SC5D: variants seen among roughly 807,000 people sequenced by gnomAD.
The protein encoded by SC5D is lathosterol oxidase.
Under a neutral mutation model 23.9 loss-of-function variants are expected in SC5D, and 21 were observed. The ratio of observed to expected loss-of-function variants is 0.88; its 90% confidence interval spans 0.62 to 1.26. SC5D has a LOEUF of 1.26. Ranked by LOEUF, SC5D falls within the 50% of genes most tolerant of loss-of-function variation. The pLI is 0.00. For missense variants in SC5D, 309 were observed against 364.8 expected (o/e 0.85, Z 1.25); for synonymous variants, 113 against 125.9 (o/e 0.90, Z 0.68).
rs188067713 is a variant in SC5D at position 121,293,911 on chromosome 11, G to A, written c.-11+1095G>A. Among the ~76,000 whole-genome samples the A allele has an allele frequency of 9.7e-4, 147 of 152,256 alleles. 1 individual carries two copies. The highest frequency in any genetic ancestry group is 6.8e-3 in the Middle Eastern group (2 of 292). On this transcript the variant is annotated intron_variant, in intron 1 of 4. Transcript: ENST00000264027. ...ATGTACATCCCAGCTGGTTTTTTCTGTTATTGTTGCTTGCTACTGAACAAG... is the reference window on the plus strand; with the variant it reads ...ATGTACATCCCAGCTGGTTTTTTCTATTATTGTTGCTTGCTACTGAACAAG...
At chr11:121,303,039 T>C (rs1169265633) in intron 1 of SC5D, among the ~76,000 whole-genome samples, 2 of 152,238 alleles carry the variant, frequency 1.3e-5, no homozygotes, top group African/African-American at 4.8e-5. Flanking sequence ...CCACTTGCCA[T>C]GCTGCCATAG....
intron 1 of SC5D, among the ~76,000 whole-genome samples, chr11:121,295,085 G>A (rs763447172): frequency 6.6e-6 from 1 of 152,130 alleles, no homozygotes; most frequent in African/African-American, 2.4e-5. Context: ...ATGAGCCACA[G>A]ATAATTAGGT....
At position 121,308,743 on chromosome 11, in the gene SC5D, C is replaced by T. The variant is rs953949773; in HGVS notation, c.*1231C>T. 2.0e-5 allele frequency: 3 copies of T among 152,588 alleles called. No homozygotes were observed. Among genetic ancestry groups the T allele is most frequent in the Non-Finnish European group, 2.9e-5 (2 of 68,018 alleles). 9.5% of individuals were successfully genotyped at this position (152,588 alleles called of 1,614,324 possible). A position where few individuals can be genotyped will look rare whatever the true frequency, so the allele number is the denominator to read the frequency against. ...TGTTAATTGTGTTTTAGAACATCCCCGGACACTCAGTGTCACAGGGGGAAA... is the reference window on the plus strand; with the variant it reads ...TGTTAATTGTGTTTTAGAACATCCCTGGACACTCAGTGTCACAGGGGGAAA... On this transcript the variant is annotated 3_prime_UTR_variant, in exon 5 of 5. Transcript: ENST00000264027.
At chr11:121,303,207 T>G (rs1947937808) in intron 1 of SC5D, among the ~76,000 whole-genome samples, 159 bp from the exon 2 acceptor site, 1 of 152,178 alleles carries the variant, frequency 6.6e-6, no homozygotes, top group South Asian at 2.1e-4. Flanking sequence ...TAAGATCCCT[T>G]CTGGCTCTAA....
chr11:121,309,463 C>T lies in SC5D; in HGVS notation c.*1951C>T, dbSNP rs573863069. On this transcript the variant is annotated 3_prime_UTR_variant, in exon 5 of 5. Transcript: ENST00000264027. ...TTTCTTGAGCAGCTAGACAGTTTGC[C>T]GTATTTGTGGTGTTCTCCTCTTGTT... is the stretch of plus-strand genomic sequence containing the variant. Among the ~76,000 whole-genome samples, 4 of 152,140 alleles carry T rather than the reference C, an allele frequency of 2.6e-5. No individual in the cohort carries two copies. Among genetic ancestry groups the T allele is most frequent in the Middle Eastern group, 3.4e-3 (1 of 294 alleles).
rs187660234 is a variant in SC5D at position 121,311,449 on chromosome 11, C to T, written c.*3937C>T. 5.5e-4 allele frequency among the ~76,000 whole-genome samples: 84 copies of T among 152,264 alleles called. No individual in the cohort carries two copies. The highest frequency in any genetic ancestry group is 6.8e-3 in the Middle Eastern group (2 of 292). On this transcript the variant is annotated 3_prime_UTR_variant, in exon 5 of 5. Coordinates refer to ENST00000264027, the MANE Select transcript of SC5D (RefSeq NM_006918.5). ...TTTTTTTAGTCACTCAAAGTCATAACCCTTTGGAAACAAAACCCACCAGTA... is the reference window on the plus strand; with the variant it reads ...TTTTTTTAGTCACTCAAAGTCATAATCCTTTGGAAACAAAACCCACCAGTA...
Position 121,312,778 on chromosome 11 carries a change from C to T in SC5D, c.*5266C>T, listed in dbSNP as rs1948020973. Among the ~76,000 whole-genome samples, 1 of 151,858 alleles carries T rather than the reference C, an allele frequency of 6.6e-6. No homozygotes were observed. Among genetic ancestry groups the T allele is most frequent in the African/African-American group, 2.4e-5 (1 of 41,386 alleles). ...AGTATATATATATAAAAATATCTTC[C>T]TCTATTATAATTTAACTCATTAAGC... is the stretch of plus-strand genomic sequence containing the variant. On this transcript the variant is annotated 3_prime_UTR_variant, in exon 5 of 5. Transcript: ENST00000264027.
chr11:121,295,290 A>T lies in SC5D; in HGVS notation c.-11+2474A>T, dbSNP rs545150364. Among the ~76,000 whole-genome samples the T allele has an allele frequency of 4.5e-4, 69 of 152,310 alleles. 1 individual carries two copies. The highest frequency in any genetic ancestry group is 1.0e-4 in the Non-Finnish European group (7 of 68,022). ...TTAGGGAGACATGAGACATCAATCA[A>T]TATGTGTAAGAAGTACATTGGTTGG... On this transcript the variant is annotated intron_variant, in intron 1 of 4. Transcript: ENST00000264027.
Position 121,311,275 on chromosome 11 carries a change from A to G in SC5D, c.*3763A>G, listed in dbSNP as rs1436058274. ...CCTGATAGGTGCTAAGCACTGCACTAGGTAAAAATTCTCTTCTGATGCTGT... is the reference window on the plus strand; with the variant it reads ...CCTGATAGGTGCTAAGCACTGCACTGGGTAAAAATTCTCTTCTGATGCTGT... On this transcript the variant is annotated 3_prime_UTR_variant, in exon 5 of 5. Coordinates refer to ENST00000264027, the MANE Select transcript of SC5D (RefSeq NM_006918.5). 6.6e-6 allele frequency among the ~76,000 whole-genome samples: 1 copy of G among 152,228 alleles called. No homozygotes were observed. Among genetic ancestry groups the G allele is most frequent in the Non-Finnish European group, 1.5e-5 (1 of 68,032 alleles).
At position 121,307,429 on chromosome 11, in the gene SC5D, A is replaced by G; in HGVS notation, c.817A>G (p.Thr273Ala). The G allele has an allele frequency of 6.2e-7, 1 of 1,611,508 alleles. No individual in the cohort carries two copies. Among genetic ancestry groups the G allele is most frequent in the Non-Finnish European group, 8.5e-7 (1 of 1,178,530 alleles). Reference sequence around the variant, plus strand: ...ACCGCTCAGTTATGTGAAGGAGATGACAGAGGGAAAGCGCAGCAGCCATTC... The same window carrying G: ...ACCGCTCAGTTATGTGAAGGAGATGGCAGAGGGAAAGCGCAGCAGCCATTC... ...KGPLSYVKEM[T>A]EGKRSSHSGN... is the part of the protein sequence containing the mutation. Residue 273 changes from threonine to alanine, a missense_variant, in exon 5 of 5, where the codon ACA becomes GCA. By Grantham distance (58) the Thr-to-Ala change is moderately conservative. Coordinates refer to ENST00000264027, the MANE Select transcript of SC5D (RefSeq NM_006918.5).
intron 1 of SC5D, 99 bp from the exon 2 acceptor site, chr11:121,303,267 G>C (rs551505745): frequency 3.4e-6 from 3 of 879,224 alleles, no homozygotes; most frequent in Admixed American, 3.5e-5. Context: ...GCATATGACT[G>C]TTCTTAAATC....
chr11:121,293,238 T>C (rs1171684055), intron 1 of SC5D, among the ~76,000 whole-genome samples: 2 of 152,244 alleles, frequency 1.3e-5, no homozygotes, highest in African/African-American at 4.8e-5. Context: ...GAGCCGACCG[T>C]GGACGGGCTT....
rs981252358 is a variant in SC5D at position 121,311,112 on chromosome 11, G to A, written c.*3600G>A. On this transcript the variant is annotated 3_prime_UTR_variant, in exon 5 of 5. Coordinates refer to ENST00000264027, the MANE Select transcript of SC5D (RefSeq NM_006918.5). ...GCCAGATTCCTTGGAAGTAGAGACCGTGTCTGAATCATCATTGTATTAAAC... is the reference window on the plus strand; with the variant it reads ...GCCAGATTCCTTGGAAGTAGAGACCATGTCTGAATCATCATTGTATTAAAC... Among the ~76,000 whole-genome samples the A allele has an allele frequency of 4.6e-5, 7 of 152,188 alleles. No homozygotes were observed. Among genetic ancestry groups the A allele is most frequent in the East Asian group, 1.9e-4 (1 of 5,200 alleles).
chr11:121,293,603 G>A (rs745367660), intron 1 of SC5D, among the ~76,000 whole-genome samples: 41 of 152,210 alleles, frequency 2.7e-4, no homozygotes, highest in Admixed American at 2.0e-4. Flanking sequence ...AAGAAAACAA[G>A]ACCTCAGTAC....
chr11:121,303,336 A>G, intron 1 of SC5D, 30 bp from the exon 2 acceptor site: 1 of 1,585,510 alleles, frequency 6.3e-7, no homozygotes, highest in Non-Finnish European at 8.7e-7. Context: ...GAGACATGGT[A>G]ACTAATTGTC....
At chr11:121,301,383 A>G (rs970284577) in intron 1 of SC5D, among the ~76,000 whole-genome samples, 12 of 152,038 alleles carry the variant, frequency 7.9e-5, no homozygotes, top group Non-Finnish European at 1.6e-4. Context: ...CTTGCTTAAC[A>G]GCAGATTTGA....
intron 1 of SC5D, among the ~76,000 whole-genome samples, chr11:121,301,405 A>G (rs980279287): frequency 1.3e-5 from 2 of 152,024 alleles, no homozygotes; most frequent in African/African-American, 4.8e-5. Context: ...CCAACAGAGC[A>G]CAGAACTGGA....
At chr11:121,300,839 G>C (rs1380968227) in intron 1 of SC5D, among the ~76,000 whole-genome samples, 1 of 152,172 alleles carries the variant, frequency 6.6e-6, no homozygotes, top group Non-Finnish European at 1.5e-5. Context: ...ACAGCACCTT[G>C]GCAAAGGCTG....
intron 4 of SC5D, 69 bp from the exon 5 acceptor site, chr11:121,306,988 G>A (rs1351595626): frequency 3.9e-6 from 5 of 1,283,246 alleles, no homozygotes; most frequent in South Asian, 3.5e-5. Flanking sequence ...CAACATGAGT[G>A]TGAGAAGCTA....
Sources: allele counts gnomAD v4.1 joint callset (sites outside exome capture counted in the v4.1 genomes callset), GRCh38; gene constraint gnomAD v4.1.1; transcripts MANE v1.5; gene names NCBI Gene and HGNC (gene_info 2026-07-23, HGNC 2026-07-21).